The following PRKG1 variants were observed in gnomAD, a reference collection of about 807,000 sequenced individuals.
The protein encoded by PRKG1 is cGMP-dependent protein kinase 1.
A neutral mutation model predicts 88.1 loss-of-function variants in PRKG1; 35 were observed. The ratio of observed to expected loss-of-function variants is 0.40; its 90% CI spans 0.30 to 0.53. The LOEUF is 0.53. Among genes scored for constraint, PRKG1 ranks in the 20% least tolerant of loss-of-function variants. The probability of loss-of-function intolerance (pLI) is 0.59; values close to 1 mark genes in which losing one functional copy is unlikely to be tolerated. For missense variants in PRKG1, 540 were observed against 839.8 expected, an observed-to-expected ratio of 0.64 and a Z score of 4.41; for synonymous variants, 303 against 292.5, an observed-to-expected ratio of 1.04 and a Z score of -0.37.
At chr10:51,628,833 C>T (rs1839443666) in intron 3 of PRKG1, among the ~76,000 whole-genome samples, 1 of 151,808 alleles carries the variant, frequency 6.6e-6, no homozygotes, top group Non-Finnish European at 1.5e-5. Flanking sequence ...GTGGCGGGCG[C>T]CTGTGGTCCC....
In PRKG1 at chr10:51,791,469, C is replaced by T. The variant is rs540115133; in HGVS notation, c.593-13116C>T. On this transcript the variant is annotated intron_variant, in intron 3 of 17. Transcript: ENST00000373980. Reference sequence around the variant, plus strand: ...TACTTTAGGTCTTTTACTGACTTTTCCCTTTCTCTTATACAGGATGACTGT... The same window carrying T: ...TACTTTAGGTCTTTTACTGACTTTTTCCTTTCTCTTATACAGGATGACTGT... Among the ~76,000 whole-genome samples the T allele has an allele frequency of 3.3e-5, 5 of 152,204 alleles. No homozygotes were observed. In the South Asian group the frequency reaches 1.0e-3, roughly 32 times the overall value.
chr10:51,637,054 A>T (rs561066092), intron 3 of PRKG1, among the ~76,000 whole-genome samples: 1 of 152,214 alleles, frequency 6.6e-6, no homozygotes, highest in Admixed American at 6.5e-5. Flanking sequence ...TCTTCTAAAA[A>T]CCTTCTCCAT....
chr10:51,040,232 T>G (rs1046983699), intron 1 of PRKG1, among the ~76,000 whole-genome samples: 1 of 117,788 alleles, frequency 8.5e-6, no homozygotes, highest in African/African-American at 3.2e-5. Context: ...TCCATTCCAT[T>G]TGTGTGTGTG....
chr10:51,585,314 A>C (rs77104537), intron 3 of PRKG1, among the ~76,000 whole-genome samples: 4,870 of 152,204 alleles, frequency 0.032, 144 homozygotes, highest in African/African-American at 0.074. Flanking sequence ...AATAATATTA[A>C]TATTCAAAGC....
chr10:51,126,450 T>G (rs1406757603), intron 1 of PRKG1, among the ~76,000 whole-genome samples: 2 of 142,800 alleles, frequency 1.4e-5, no homozygotes, highest in African/African-American at 5.1e-5. Context: ...AATATTCATA[T>G]ATTTATATAT....
Position 51,178,251 on chromosome 10 carries a change from T to G in PRKG1, c.478+24921T>G, listed in dbSNP as rs549897140. On this transcript the variant is annotated intron_variant, in intron 2 of 17. Transcript: ENST00000373980. The stretch of plus-strand genomic sequence containing the variant: ...TGCACATTATCATACATATGTATTA[T>G]AAATCTTACAGGTAACCTCTAAGAA... Among the ~76,000 whole-genome samples, 3 of 152,230 alleles carry G rather than the reference T, an allele frequency of 2.0e-5. No individual in the cohort carries two copies. The South Asian group carries it at 6.2e-4, about 32-fold the overall frequency.
intron 2 of PRKG1, among the ~76,000 whole-genome samples, chr10:51,159,213 A>G (rs1490561483): frequency 1.3e-5 from 2 of 152,152 alleles, no homozygotes; most frequent in African/African-American, 2.4e-5. Context: ...TTTATATAAA[A>G]TTGAACATTA....
intron 4 of PRKG1, among the ~76,000 whole-genome samples, chr10:51,887,742 A>G (rs760488373): frequency 4.6e-5 from 7 of 152,160 alleles, no homozygotes; most frequent in South Asian, 2.1e-4. Flanking sequence ...AAATATTTAT[A>G]TATGTATTCA....
chr10:51,167,395 A>G (rs1846577112), intron 2 of PRKG1, among the ~76,000 whole-genome samples: 1 of 152,170 alleles, frequency 6.6e-6, no homozygotes, highest in Non-Finnish European at 1.5e-5. Context: ...GCCAGGTTGG[A>G]ATGGTTGGTA....
chr10:52,171,520 C>T (rs1378752800), intron 9 of PRKG1, among the ~76,000 whole-genome samples: 1 of 152,116 alleles, frequency 6.6e-6, no homozygotes, highest in African/African-American at 2.4e-5. Flanking sequence ...TGGCCCTGAA[C>T]TAATATGCTG....
chr10:52,166,344 T>G (rs1488996785), intron 9 of PRKG1, among the ~76,000 whole-genome samples: 2 of 152,016 alleles, frequency 1.3e-5, no homozygotes, highest in Non-Finnish European at 2.9e-5. Context: ...GTAGGGAAGC[T>G]GGTATGTAAT....
At chr10:51,208,695 A>G (rs1444401565) in intron 2 of PRKG1, among the ~76,000 whole-genome samples, 1 of 152,174 alleles carries the variant, frequency 6.6e-6, no homozygotes, top group African/African-American at 2.4e-5. Flanking sequence ...AGGGAAGAAA[A>G]TCAGGGAAGG....
intron 1 of PRKG1, among the ~76,000 whole-genome samples, chr10:51,020,830 A>G (rs1156753114): frequency 1.3e-5 from 2 of 152,216 alleles, no homozygotes; most frequent in Non-Finnish European, 2.9e-5. Context: ...GGAGTAGGGA[A>G]AGTTTCATGA....
intron 1 of PRKG1, among the ~76,000 whole-genome samples, chr10:51,146,120 C>T (rs1434622551): frequency 2.0e-5 from 3 of 151,506 alleles, no homozygotes; most frequent in African/African-American, 7.3e-5. Context: ...ACCCGGGAGG[C>T]GGAGCTTGCA....
chr10:51,273,727 C>T (rs1168658127), intron 2 of PRKG1, among the ~76,000 whole-genome samples: 1 of 152,210 alleles, frequency 6.6e-6, no homozygotes, highest in Non-Finnish European at 1.5e-5. Flanking sequence ...CACATTTCTA[C>T]ATGACAATAT....
At chr10:51,887,031 G>A (rs1054242369) in intron 4 of PRKG1, among the ~76,000 whole-genome samples, 6 of 152,190 alleles carry the variant, frequency 3.9e-5, no homozygotes, top group African/African-American at 1.4e-4. Context: ...CAGTCACCCA[G>A]GTCGGAGTGC....
chr10:52,001,825 T>A (rs1844607493), intron 5 of PRKG1, among the ~76,000 whole-genome samples: 1 of 152,056 alleles, frequency 6.6e-6, no homozygotes, highest in South Asian at 2.1e-4. Context: ...TCTTAACGTA[T>A]GGAATTTAGA....
chr10:52,217,535 G>A (rs756112356), intron 9 of PRKG1, among the ~76,000 whole-genome samples: 4 of 152,094 alleles, frequency 2.6e-5, no homozygotes, highest in Non-Finnish European at 5.9e-5. Context: ...ATGGTACATA[G>A]AGAGATTTAG....
chr10:51,107,953 A>C (rs1198952571), intron 1 of PRKG1, among the ~76,000 whole-genome samples: 8 of 152,118 alleles, frequency 5.3e-5, no homozygotes, highest in Admixed American at 5.2e-4. Context: ...ATAATAAGGA[A>C]ATTTTTTGAA....
Sources: allele counts gnomAD v4.1 joint callset (sites outside exome capture counted in the v4.1 genomes callset), GRCh38; gene constraint gnomAD v4.1.1; transcripts MANE v1.5; gene names NCBI Gene and HGNC (gene_info 2026-07-23, HGNC 2026-07-21).